The following CTNNA3 variants were observed in gnomAD, a reference collection of about 807,000 sequenced individuals.
CTNNA3 encodes the protein catenin alpha-3.
Under a neutral mutation model 95.7 loss-of-function variants are expected in CTNNA3, and 76 were observed. That is an observed-to-expected ratio of 0.79 (90% CI 0.66 to 0.96). The LOEUF (loss-of-function observed/expected upper bound fraction) is 0.96, where lower values mean the gene tolerates loss of function less well. Among genes scored for constraint, CTNNA3 ranks in the 40% least tolerant of loss-of-function variants. CTNNA3 has a pLI of 0.00. For synonymous variants in CTNNA3, 431 were observed against 374.4 expected (o/e 1.15, Z -1.74); for missense variants, 1,191 against 1,089.8 (o/e 1.09, Z -1.31).
chr10:66,141,085 T>C (rs2083591200), intron 13 of CTNNA3, among the ~76,000 whole-genome samples: 1 of 151,690 alleles, frequency 6.6e-6, no homozygotes, highest in Non-Finnish European at 1.5e-5. Flanking sequence ...ATGGTGAAAC[T>C]CCAACACTAC....
chr10:67,410,632 A>C (rs1475998920), intron 5 of CTNNA3, among the ~76,000 whole-genome samples: 26 of 122,346 alleles, frequency 2.1e-4, no homozygotes, highest in African/African-American at 6.7e-4. Context: ...CCCCCCACCC[A>C]AAAAAAAAAA....
intron 11 of CTNNA3, among the ~76,000 whole-genome samples, chr10:66,467,268 C>G (rs1838954668): frequency 6.6e-6 from 1 of 152,002 alleles, no homozygotes; most frequent in Admixed American, 6.6e-5. Flanking sequence ...CATCACAGCA[C>G]TTAAAACACA....
chr10:67,048,913 A>G (rs919526978), intron 7 of CTNNA3, among the ~76,000 whole-genome samples: 1 of 152,086 alleles, frequency 6.6e-6, no homozygotes, highest in Non-Finnish European at 1.5e-5. Context: ...TTTCACTCAT[A>G]CAACTAGTCA....
chr10:66,411,060 C>T (rs2132595409), intron 11 of CTNNA3, among the ~76,000 whole-genome samples: 1 of 152,328 alleles, frequency 6.6e-6, no homozygotes, highest in East Asian at 1.9e-4. Flanking sequence ...CTTCTCTCAA[C>T]TTCAATTTCT....
chr10:67,658,404 A>T (rs956483719), intron 1 of CTNNA3, among the ~76,000 whole-genome samples: 1 of 152,228 alleles, frequency 6.6e-6, no homozygotes, highest in Admixed American at 6.5e-5. Flanking sequence ...CTACTTGTCT[A>T]CATTCAGATT....
chr10:65,984,211 A>G (rs774951886), intron 16 of CTNNA3, among the ~76,000 whole-genome samples: 54 of 151,440 alleles, frequency 3.6e-4, no homozygotes, highest in Non-Finnish European at 7.0e-4. Context: ...GATTTTTTTC[A>G]TAATATACAT....
chr10:67,056,966 T>G (rs2133205252), intron 7 of CTNNA3, among the ~76,000 whole-genome samples: 1 of 152,306 alleles, frequency 6.6e-6, no homozygotes, highest in South Asian at 2.1e-4. Context: ...CTGAGACTGA[T>G]TATCTTTATT....
At chr10:66,237,315 T>G (rs192071432) in intron 13 of CTNNA3, among the ~76,000 whole-genome samples, 1 of 152,180 alleles carries the variant, frequency 6.6e-6, no homozygotes, top group Non-Finnish European at 1.5e-5. Context: ...AATTTTCTTA[T>G]AGCATTCTGT....
chr10:66,975,526 C>T (rs1849979440), intron 7 of CTNNA3, among the ~76,000 whole-genome samples: 1 of 152,140 alleles, frequency 6.6e-6, no homozygotes, highest in Non-Finnish European at 1.5e-5. Flanking sequence ...CTGGATATTG[C>T]AAATCAGATC....
chr10:66,852,596 T>C (rs574429433), intron 7 of CTNNA3, among the ~76,000 whole-genome samples: 68 of 152,266 alleles, frequency 4.5e-4, no homozygotes, highest in African/African-American at 1.6e-3. Context: ...TGACATAATA[T>C]AAGCTAAACA....
intron 7 of CTNNA3, among the ~76,000 whole-genome samples, chr10:66,968,143 C>A (rs1849535230): frequency 6.6e-6 from 1 of 151,960 alleles, no homozygotes; most frequent in Non-Finnish European, 1.5e-5. Context: ...ACAAAATCCA[C>A]AGAATTTATT....
intron 17 of CTNNA3, among the ~76,000 whole-genome samples, chr10:65,923,028 T>G (rs142069435): frequency 3.9e-5 from 6 of 152,290 alleles, no homozygotes; most frequent in Non-Finnish European, 5.9e-5. Context: ...ACTGCCTCCA[T>G]GATCCAGTCA....
rs1855861890 is a variant in CTNNA3, at chr10:67,063,188, G to A, written c.1047+117129C>T. ...TACAAGAAAAACAGTTACCAAGTAT[G>A]GATGCTCAAGACAGCCTTAAAGCAA... On this transcript the variant is annotated intron_variant, in intron 7 of 17. Transcript: ENST00000433211. 3.9e-5 allele frequency among the ~76,000 whole-genome samples: 6 copies of A among 152,104 alleles called. No homozygotes were observed. The South Asian group carries it at 1.2e-3, about 32-fold the overall frequency.
intron 1 of CTNNA3, among the ~76,000 whole-genome samples, chr10:67,722,007 G>T (rs1017116331): frequency 6.6e-6 from 1 of 152,044 alleles, no homozygotes; most frequent in Non-Finnish European, 1.5e-5. Context: ...TGGAAATGCA[G>T]AAATCACCCA....
intron 16 of CTNNA3, among the ~76,000 whole-genome samples, chr10:65,982,827 C>T (rs190553969): frequency 2.8e-3 from 429 of 150,732 alleles, no homozygotes; most frequent in African/African-American, 9.3e-3. Context: ...CTTTAAAATA[C>T]GCATATTGTC....
intron 7 of CTNNA3, among the ~76,000 whole-genome samples, chr10:66,841,080 C>G (rs1843051324): frequency 6.6e-6 from 1 of 152,080 alleles, no homozygotes; most frequent in Non-Finnish European, 1.5e-5. Context: ...GATAATCAAA[C>G]TTATGTTAGA....
chr10:67,653,857 T>C (rs1252971496), intron 1 of CTNNA3, among the ~76,000 whole-genome samples: 1 of 152,126 alleles, frequency 6.6e-6, no homozygotes, highest in Non-Finnish European at 1.5e-5. Flanking sequence ...TATCCTATCC[T>C]ACCCAGGGTA....
rs541983246 is a variant in CTNNA3 at position 66,034,070 on chromosome 10, C to G, written c.2159+35238G>C. 2.2e-4 allele frequency among the ~76,000 whole-genome samples: 34 copies of G among 152,140 alleles called. No homozygotes were observed. In the South Asian group the frequency reaches 7.1e-3, roughly 32 times the overall value. On this transcript the variant is annotated intron_variant, in intron 15 of 17. Transcript: ENST00000433211. Reference sequence around the variant, plus strand: ...AATGAGTTAAGAAAAGAATTTAGAACAGGCTTTGAAATGATATGACAATAA... The same window carrying G: ...AATGAGTTAAGAAAAGAATTTAGAAGAGGCTTTGAAATGATATGACAATAA...
At chr10:66,282,232 C>T (rs1188801984) in intron 12 of CTNNA3, among the ~76,000 whole-genome samples, 1 of 151,638 alleles carries the variant, frequency 6.6e-6, no homozygotes, top group African/African-American at 2.4e-5. Flanking sequence ...ACCACTTTGC[C>T]TAGGAGAAAC....
Sources: allele counts gnomAD v4.1 joint callset (sites outside exome capture counted in the v4.1 genomes callset), GRCh38; gene constraint gnomAD v4.1.1; transcripts MANE v1.5; gene names NCBI Gene and HGNC (gene_info 2026-07-23, HGNC 2026-07-21).